ARHGAP15: variants seen among roughly 807,000 people sequenced by gnomAD.
ARHGAP15 encodes Rho GTPase activating protein 15, also known as rho GTPase-activating protein 15.
In ARHGAP15, 51 loss-of-function variants were observed where a neutral mutation model predicts 63.7. That is an observed-to-expected ratio of 0.80 (90% confidence interval 0.64 to 1.01). The LOEUF is 1.01. Among genes scored for constraint, ARHGAP15 ranks in the 50% least tolerant of loss-of-function variants. ARHGAP15 has a pLI of 0.00. For missense variants in ARHGAP15, 560 were observed against 564.6 expected, an observed-to-expected ratio of 0.99 and a Z score of 0.08; for synonymous variants, 191 against 193.8, an observed-to-expected ratio of 0.99 and a Z score of 0.12.
In ARHGAP15 at chr2:143,171,339, A is replaced by G. The variant is rs544639025; in HGVS notation, c.165+15684A>G. Among the ~76,000 whole-genome samples, 5 of 152,278 alleles carry G rather than the reference A, an allele frequency of 3.3e-5. No homozygotes were observed. The South Asian group carries it at 1.0e-3, about 32-fold the overall frequency. On this transcript the variant is annotated intron_variant, in intron 2 of 13. Transcript: ENST00000295095. ...ACAGGTGTTGTTTTCTAAAATAGCCAGAATTCTGTTGCTCTTCGTCTTTGC... is the reference window on the plus strand; with the variant it reads ...ACAGGTGTTGTTTTCTAAAATAGCCGGAATTCTGTTGCTCTTCGTCTTTGC...
intron 12 of ARHGAP15, among the ~76,000 whole-genome samples, chr2:143,638,674 GAAA>G (rs547479767): frequency 2.1e-5 from 2 of 93,966 alleles, no homozygotes; most frequent in Admixed American, 1.1e-4. Flanking sequence ...ATAAATAAAA[GAAA>G]AAAAAATATT....
intron 12 of ARHGAP15, among the ~76,000 whole-genome samples, chr2:143,644,969 C>T (rs543118543): frequency 8.5e-5 from 13 of 152,148 alleles, no homozygotes; most frequent in Middle Eastern, 3.4e-3. Flanking sequence ...GGGGGACACC[C>T]ACTGCCATAT....
intron 10 of ARHGAP15, among the ~76,000 whole-genome samples, chr2:143,553,929 GTATAAAT>G (rs1695679915): frequency 6.6e-6 from 1 of 152,048 alleles, no homozygotes; most frequent in Admixed American, 6.5e-5. Context: ...TTTACACCTT[GTATAAAT>G]GAATATGCAT....
At chr2:143,207,841 C>T (rs1232749677) in intron 3 of ARHGAP15, among the ~76,000 whole-genome samples, 4 of 152,112 alleles carry the variant, frequency 2.6e-5, no homozygotes, top group East Asian at 3.9e-4. Flanking sequence ...TTCACATTGA[C>T]ACTTGAATTA....
intron 5 of ARHGAP15, among the ~76,000 whole-genome samples, chr2:143,234,705 G>A (rs897293533): frequency 2.6e-5 from 4 of 151,928 alleles, no homozygotes; most frequent in African/African-American, 4.8e-5. Context: ...GTTTAATATC[G>A]GTTCTCCCTT....
chr2:143,735,057 C>G (rs1021910130), intron 13 of ARHGAP15, among the ~76,000 whole-genome samples: 1 of 152,220 alleles, frequency 6.6e-6, no homozygotes, highest in South Asian at 2.1e-4. Flanking sequence ...AAAGTTAAAA[C>G]ACCCACTAGA....
chr2:143,254,609 C>A (rs1574159362), intron 6 of ARHGAP15, among the ~76,000 whole-genome samples: 1 of 89,248 alleles, frequency 1.1e-5, no homozygotes, highest in African/African-American at 3.4e-5. Context: ...CAAGGAGATA[C>A]CCCCTTATTA....
At chr2:143,509,342 A>AAAT (rs528043589) in intron 9 of ARHGAP15, among the ~76,000 whole-genome samples, 149 of 152,192 alleles carry the variant, frequency 9.8e-4, no homozygotes, top group African/African-American at 3.6e-3. Flanking sequence ...GAAAAAAAAA[A>AAAT]AAAATAAGTA....
intron 6 of ARHGAP15, among the ~76,000 whole-genome samples, chr2:143,365,562 C>T (rs1686258644): frequency 6.6e-6 from 1 of 152,206 alleles, no homozygotes; most frequent in Non-Finnish European, 1.5e-5. Flanking sequence ...CACCAACCAT[C>T]ACCTCCACTT....
intron 11 of ARHGAP15, among the ~76,000 whole-genome samples, chr2:143,570,476 C>T (rs982336498): frequency 3.9e-5 from 6 of 152,336 alleles, no homozygotes; most frequent in Non-Finnish European, 2.9e-5. Context: ...ACCTGTCTCT[C>T]CTACTTTACC....
At chr2:143,509,945 A>G (rs1411461621) in intron 9 of ARHGAP15, among the ~76,000 whole-genome samples, 3 of 144,730 alleles carry the variant, frequency 2.1e-5, no homozygotes, top group Non-Finnish European at 3.0e-5. Context: ...CGCTTGAACC[A>G]GGGAGTCAGA....
chr2:143,678,778 C>T (rs1490517245), intron 12 of ARHGAP15, among the ~76,000 whole-genome samples: 1 of 152,168 alleles, frequency 6.6e-6, no homozygotes, highest in Admixed American at 6.5e-5. Flanking sequence ...GTTTCCCAAA[C>T]TTCATTGATC....
At chr2:143,180,890 G>A (rs772137259) in intron 2 of ARHGAP15, among the ~76,000 whole-genome samples, 1 of 152,068 alleles carries the variant, frequency 6.6e-6, no homozygotes, top group Non-Finnish European at 1.5e-5. Flanking sequence ...AGCCAGAATG[G>A]TCTCGATCTC....
chr2:143,167,578 A>G (rs1033930941), intron 2 of ARHGAP15, among the ~76,000 whole-genome samples: 5 of 152,022 alleles, frequency 3.3e-5, no homozygotes, highest in Admixed American at 3.3e-4. Context: ...TGAGCCCCCT[A>G]TCTCCCATCT....
At chr2:143,211,294 A>C (rs958119460) in intron 3 of ARHGAP15, among the ~76,000 whole-genome samples, 1 of 146,248 alleles carries the variant, frequency 6.8e-6, no homozygotes, top group Admixed American at 7.0e-5. Flanking sequence ...AGAAAAAAGA[A>C]AGACAGATAA....
At chr2:143,270,006 C>T (rs1455827153) in intron 6 of ARHGAP15, among the ~76,000 whole-genome samples, 2 of 152,096 alleles carry the variant, frequency 1.3e-5, no homozygotes, top group African/African-American at 4.8e-5. Context: ...GAGTCTCGCT[C>T]TTGTCGCCCG....
intron 2 of ARHGAP15, among the ~76,000 whole-genome samples, chr2:143,194,247 G>A (rs1428841523): frequency 1.3e-5 from 2 of 152,066 alleles, no homozygotes; most frequent in Non-Finnish European, 2.9e-5. Context: ...TATAACATAT[G>A]ACTTTAGTTG....
chr2:143,365,373 T>G (rs1034189104), intron 6 of ARHGAP15, among the ~76,000 whole-genome samples: 4 of 152,224 alleles, frequency 2.6e-5, no homozygotes, highest in African/African-American at 9.6e-5. Context: ...TAGGGAAATC[T>G]GGCAATCATC....
intron 12 of ARHGAP15, among the ~76,000 whole-genome samples, chr2:143,692,632 G>A (rs536425943): frequency 2.0e-5 from 3 of 152,148 alleles, no homozygotes; most frequent in Admixed American, 6.6e-5. Context: ...CGTTTGATGG[G>A]TAAAGCAGTA....
Sources: gnomAD v4.1 joint callset for allele counts (sites outside exome capture counted in the v4.1 genomes callset) on GRCh38, gnomAD v4.1.1 for gene constraint, MANE v1.5 for transcripts, NCBI Gene and HGNC (gene_info 2026-07-23, HGNC 2026-07-21) for gene names.